The following CSMD3 variants were observed in gnomAD, a reference collection of about 807,000 sequenced individuals.
CSMD3 encodes CUB and sushi domain-containing protein 3.
Under a neutral mutation model 435.2 loss-of-function variants are expected in CSMD3, and 177 were observed. The observed-to-expected ratio is 0.41, with a 90% CI of 0.36 to 0.46. The LOEUF is 0.46. CSMD3 is among the 20% of genes least tolerant of loss of function. CSMD3 has a pLI of 0.34. For synonymous variants in CSMD3, 1,656 were observed against 1,520.5 expected, an observed-to-expected ratio of 1.09 and a Z score of -2.07; for missense variants, 4,265 against 4,504.6, an observed-to-expected ratio of 0.95 and a Z score of 1.52.
intron 31 of CSMD3, among the ~76,000 whole-genome samples, chr8:112,489,731 A>T (rs1004524537): frequency 6.6e-6 from 1 of 152,190 alleles, no homozygotes; most frequent in African/African-American, 2.4e-5. Context: ...ATCTAGCTCT[A>T]AAACAGGATT....
intron 3 of CSMD3, among the ~76,000 whole-genome samples, chr8:113,270,483 C>T (rs2093513890): frequency 6.6e-6 from 1 of 151,960 alleles, no homozygotes; most frequent in Admixed American, 6.6e-5. Flanking sequence ...GGGTATATAC[C>T]CAAAGGATTG....
intron 1 of CSMD3, among the ~76,000 whole-genome samples, chr8:113,337,001 T>C (rs1563717216): frequency 6.6e-6 from 1 of 152,146 alleles, no homozygotes; most frequent in Non-Finnish European, 1.5e-5. Context: ...GTTGTTTGGC[T>C]GGTATAGGAC....
At chr8:112,265,840 T>C (rs906544841) in intron 59 of CSMD3, among the ~76,000 whole-genome samples, 5 of 152,258 alleles carry the variant, frequency 3.3e-5, no homozygotes, top group African/African-American at 1.2e-4. Context: ...TAGGTTAATA[T>C]GCCATTATGT....
intron 23 of CSMD3, among the ~76,000 whole-genome samples, chr8:112,585,415 T>C (rs35712333): frequency 0.067 from 10,136 of 151,488 alleles, 463 homozygotes; most frequent in East Asian, 0.15. Flanking sequence ...GAGTCTTTTT[T>C]TTTTTCTGCC....
At position 112,366,213 on chromosome 8, in the gene CSMD3, T is replaced by C. The variant is rs556189090; in HGVS notation, c.6137-13679A>G. Among the ~76,000 whole-genome samples the C allele has an allele frequency of 3.1e-4, 47 of 152,242 alleles. 1 individual carries two copies. In the South Asian group the frequency reaches 9.7e-3, roughly 32 times the overall value. On this transcript the variant is annotated intron_variant, in intron 38 of 70. Transcript: ENST00000297405. The stretch of plus-strand genomic sequence containing the variant: ...GTTCAAGGCATTCTGCTGGTTGACT[T>C]TCTGGAGAAACCAAGGAAAATACTG...
chr8:113,031,241 C>G (rs141199552), intron 5 of CSMD3, among the ~76,000 whole-genome samples: 1 of 151,694 alleles, frequency 6.6e-6, no homozygotes, highest in East Asian at 1.9e-4. Flanking sequence ...CTTTAAAGAA[C>G]ACAAATGGTC....
At chr8:113,074,178 C>G (rs998977845) in intron 5 of CSMD3, among the ~76,000 whole-genome samples, 13 of 151,774 alleles carry the variant, frequency 8.6e-5, no homozygotes, top group African/African-American at 3.1e-4. Context: ...CACACACACA[C>G]ACACACACAC....
At chr8:112,828,155 A>T (rs1219362738) in intron 12 of CSMD3, among the ~76,000 whole-genome samples, 2 of 152,220 alleles carry the variant, frequency 1.3e-5, no homozygotes, top group Non-Finnish European at 2.9e-5. Context: ...ACTATTGATT[A>T]TTTCTGGAAA....
chr8:112,291,527 G>A lies in CSMD3; in HGVS notation c.8957C>T (p.Pro2986Leu). The A allele has an allele frequency of 6.2e-7, 1 of 1,607,472 alleles. No individual in the cohort carries two copies. Among genetic ancestry groups the A allele is most frequent in the Non-Finnish European group, 8.5e-7 (1 of 1,174,654 alleles). ...CTACTTACTGATACATTCTGGTAAAGGTTTGTCCCATTGTCCATTTGGTTG... is the reference window on the plus strand; with the variant it reads ...CTACTTACTGATACATTCTGGTAAAAGTTTGTCCCATTGTCCATTTGGTTG... ...ICQPNGQWDKPLPECIMIDCG... is the reference protein window; with the variant it reads ...ICQPNGQWDKLLPECIMIDCG... Residue 2986 changes from proline (P) to leucine (L), a missense_variant, in exon 56 of 71, where the codon CCT (proline) becomes CTT (leucine). Physicochemically the swap from Pro to Leu is moderately conservative, Grantham distance 98. This residue lies in a region of CSMD3 where 3,255 missense variants were observed against 3,380.2 expected (regional missense o/e 0.96). Transcript: ENST00000297405.
Position 113,291,045 on chromosome 8 carries a change from A to C in CSMD3, c.402-12341T>G, listed in dbSNP as rs73337733. Among the ~76,000 whole-genome samples, 439 of 151,648 alleles carry C rather than the reference A, an allele frequency of 2.9e-3. 2 individuals are homozygous for C. The highest frequency in any genetic ancestry group is 9.7e-3 in the African/African-American group (404 of 41,490). Reference sequence around the variant, plus strand: ...ATACTAGTAAACATAATTACATAATAATGTCTTCATATATTTGAATGTTCT... The same window carrying C: ...ATACTAGTAAACATAATTACATAATCATGTCTTCATATATTTGAATGTTCT... On this transcript the variant is annotated intron_variant, in intron 2 of 70. Coordinates refer to ENST00000297405, the MANE Select transcript of CSMD3 (RefSeq NM_198123.2).
intron 13 of CSMD3, among the ~76,000 whole-genome samples, chr8:112,788,245 T>C (rs1169435386): frequency 6.6e-6 from 1 of 152,152 alleles, no homozygotes; most frequent in African/African-American, 2.4e-5. Flanking sequence ...TTGCCTGCAT[T>C]GGAGAAATGG....
intron 5 of CSMD3, among the ~76,000 whole-genome samples, chr8:113,058,574 T>C (rs962022786): frequency 6.6e-6 from 1 of 151,956 alleles, no homozygotes; most frequent in Non-Finnish European, 1.5e-5. Flanking sequence ...ATTCCAATTT[T>C]TATATTAGAA....
intron 3 of CSMD3, among the ~76,000 whole-genome samples, chr8:113,265,473 A>T (rs2093462161): frequency 6.6e-6 from 1 of 151,640 alleles, no homozygotes; most frequent in South Asian, 2.1e-4. Flanking sequence ...TGTATGCTAC[A>T]CTAAGCTAAA....
intron 22 of CSMD3, among the ~76,000 whole-genome samples, chr8:112,619,966 A>G (rs539679382): frequency 9.2e-4 from 140 of 152,020 alleles, no homozygotes; most frequent in Non-Finnish European, 1.6e-3. Flanking sequence ...AAAAAGTTCA[A>G]TCAGAATCTA....
At chr8:113,293,755 T>C (rs566374487) in intron 2 of CSMD3, among the ~76,000 whole-genome samples, 53 of 152,244 alleles carry the variant, frequency 3.5e-4, no homozygotes, top group African/African-American at 1.0e-3. Flanking sequence ...TTCCTAGTCA[T>C]AGTTTGAAAC....
chr8:113,181,134 G>A (rs370361464), intron 3 of CSMD3, among the ~76,000 whole-genome samples: 1 of 152,044 alleles, frequency 6.6e-6, no homozygotes, highest in African/African-American at 2.4e-5. Flanking sequence ...TCTTAGCTGG[G>A]CTGCCTAAGA....
At chr8:112,245,195 C>G (rs1814608124) in intron 64 of CSMD3, among the ~76,000 whole-genome samples, 1 of 151,910 alleles carries the variant, frequency 6.6e-6, no homozygotes, top group South Asian at 2.1e-4. Flanking sequence ...TCACCTAACT[C>G]TCTCTCCTTT....
intron 35 of CSMD3, among the ~76,000 whole-genome samples, chr8:112,399,262 C>CT (rs1251181639): frequency 4.3e-5 from 4 of 93,560 alleles, no homozygotes; most frequent in Non-Finnish European, 6.6e-5. Flanking sequence ...GTTTTGATTC[C>CT]AAATTTTTTT....
chr8:112,442,031 AG>A (rs1423722733), intron 32 of CSMD3, among the ~76,000 whole-genome samples: 3 of 152,220 alleles, frequency 2.0e-5, no homozygotes, highest in Non-Finnish European at 4.4e-5. Context: ...TATAAAGAAA[AG>A]AAGTTTATTT....
Sources: allele counts gnomAD v4.1 joint callset (sites outside exome capture counted in the v4.1 genomes callset), GRCh38; gene constraint gnomAD v4.1.1; regional missense constraint gnomAD v4.1.1; transcripts MANE v1.5; gene names NCBI Gene and HGNC (gene_info 2026-07-23, HGNC 2026-07-21).